The following NBEA variants were observed in gnomAD, a reference collection of about 807,000 sequenced individuals.
NBEA encodes the protein lysosomal-trafficking regulator 2.
Under a neutral mutation model 343.4 loss-of-function variants are expected in NBEA, and 44 were observed. That is an observed-to-expected ratio of 0.13 (90% CI 0.10 to 0.16). The LOEUF is 0.16. Ranked by LOEUF, NBEA falls within the 10% of genes least tolerant of loss-of-function variation. The probability of loss-of-function intolerance (pLI) is 1.00; values close to 1 mark genes in which losing one functional copy is unlikely to be tolerated. For synonymous variants in NBEA, 1,175 were observed against 1,238.7 expected (o/e 0.95, Z 1.08); for missense variants, 2,555 against 3,631.3 (o/e 0.70, Z 7.62).
At chr13:34,986,213 A>G (rs1029605469) in intron 1 of NBEA, among the ~76,000 whole-genome samples, 3 of 150,152 alleles carry the variant, frequency 2.0e-5, no homozygotes, top group Non-Finnish European at 4.5e-5. Flanking sequence ...TAAATGTGCC[A>G]CTGAGATTTT....
At position 35,671,104 on chromosome 13, in the gene NBEA, C is replaced by T. The variant is rs1180379996; in HGVS notation, c.*113C>T. On this transcript the variant is annotated 3_prime_UTR_variant, in exon 59 of 59. Coordinates refer to ENST00000379939, the MANE Select transcript of NBEA (RefSeq NM_001385012.1). ...TACATCGACCTCCGTTTGTACATTC[C>T]ATCACACCCAGCAATAGCTGTACAT... 9 of 686,060 alleles carry T rather than the reference C, an allele frequency of 1.3e-5. No individual in the cohort carries two copies. The highest frequency in any genetic ancestry group is 1.1e-4 in the African/African-American group (6 of 56,028). 42.5% of individuals were successfully genotyped at this position (686,060 alleles called of 1,614,324 possible). A position where few individuals can be genotyped will look rare whatever the true frequency, so the allele number is the denominator to read the frequency against.
intron 1 of NBEA, among the ~76,000 whole-genome samples, chr13:34,953,719 A>G (rs1249714684): frequency 6.6e-6 from 1 of 152,172 alleles, no homozygotes; most frequent in Non-Finnish European, 1.5e-5. Context: ...CATCCATACT[A>G]AACATGTATA....
intron 38 of NBEA, among the ~76,000 whole-genome samples, chr13:35,380,224 C>CAAG (rs60728010): frequency 0.7 from 105,555 of 151,668 alleles, 39,039 homozygotes; most frequent in Non-Finnish European, 0.81. Context: ...GCAGGTGAAT[C>CAAG]ACCTGAGGTC....
At chr13:35,403,237 T>C (rs575089132) in intron 38 of NBEA, among the ~76,000 whole-genome samples, 1 of 151,990 alleles carries the variant, frequency 6.6e-6, no homozygotes, top group Non-Finnish European at 1.5e-5. Context: ...TTTGAAATAG[T>C]TATTAATGTT....
intron 18 of NBEA, among the ~76,000 whole-genome samples, chr13:35,154,639 G>A (rs1047903892): frequency 3.9e-5 from 6 of 152,042 alleles, no homozygotes; most frequent in African/African-American, 1.4e-4. Flanking sequence ...CTGATTACTA[G>A]GAATATAACA....
chr13:35,599,725 G>A (rs2081967037), intron 47 of NBEA, among the ~76,000 whole-genome samples: 1 of 152,228 alleles, frequency 6.6e-6, no homozygotes, highest in Non-Finnish European at 1.5e-5. Flanking sequence ...CTCTTTATGG[G>A]AGGAGTAAAC....
intron 38 of NBEA, among the ~76,000 whole-genome samples, chr13:35,394,685 C>T (rs17052202): frequency 0.13 from 19,824 of 151,994 alleles, 1,413 homozygotes; most frequent in African/African-American, 0.19. Flanking sequence ...TGGGACATTT[C>T]CAAAACTATG....
chr13:35,425,305 C>T (rs2044582899), intron 38 of NBEA, among the ~76,000 whole-genome samples: 1 of 152,186 alleles, frequency 6.6e-6, no homozygotes, highest in South Asian at 2.1e-4. Flanking sequence ...TTTCCCTCTA[C>T]ACACTGCTTT....
intron 1 of NBEA, among the ~76,000 whole-genome samples, chr13:35,025,694 CCTT>C: frequency 6.6e-6 from 1 of 151,992 alleles, no homozygotes; most frequent in Non-Finnish European, 1.5e-5. Context: ...GATGTCTCAT[CCTT>C]TTATCTCTCA....
intron 38 of NBEA, among the ~76,000 whole-genome samples, chr13:35,389,207 G>T (rs967087844): frequency 4.6e-5 from 7 of 152,034 alleles, no homozygotes; most frequent in African/African-American, 1.7e-4. Flanking sequence ...TCCCGTAATT[G>T]TATCAGCCTG....
chr13:35,043,392 A>G (rs1379446727), intron 2 of NBEA, among the ~76,000 whole-genome samples: 1 of 151,902 alleles, frequency 6.6e-6, no homozygotes, highest in African/African-American at 2.4e-5. Flanking sequence ...TTTTAAAAGT[A>G]TTTTATGTAA....
chr13:35,323,616 A>T (rs1241333031), intron 36 of NBEA, among the ~76,000 whole-genome samples: 1 of 151,450 alleles, frequency 6.6e-6, no homozygotes, highest in Non-Finnish European at 1.5e-5. Context: ...CTAATGCTAG[A>T]TGACGAGTTA....
intron 52 of NBEA, 136 bp from the exon 53 acceptor site, chr13:35,651,669 T>C: frequency 1.5e-6 from 1 of 652,186 alleles, no homozygotes; most frequent in South Asian, 1.9e-5. Context: ...CAGAGACACA[T>C]AGTATCAGAA....
chr13:35,098,754 G>C (rs2065466863), intron 11 of NBEA, among the ~76,000 whole-genome samples: 1 of 152,064 alleles, frequency 6.6e-6, no homozygotes, highest in South Asian at 2.1e-4. Context: ...AAATAGCATG[G>C]AATAAACCAT....
intron 8 of NBEA, among the ~76,000 whole-genome samples, chr13:35,059,990 C>G (rs1216481400): frequency 1.3e-5 from 2 of 151,618 alleles, no homozygotes; most frequent in Non-Finnish European, 3.0e-5. Context: ...TTTCATGGGT[C>G]TTTTTGTTGG....
At chr13:35,475,037 C>T in intron 41 of NBEA, 3 of 1,598,634 alleles carry the variant, frequency 1.9e-6, no homozygotes, top group Non-Finnish European at 2.6e-6. Flanking sequence ...GTAATAATTT[C>T]GGCTCTTGAT....
intron 35 of NBEA, among the ~76,000 whole-genome samples, chr13:35,293,322 T>A (rs2035916540): frequency 6.6e-6 from 1 of 152,064 alleles, no homozygotes; most frequent in Non-Finnish European, 1.5e-5. Flanking sequence ...CATTCTGATA[T>A]ATTTATCATT....
chr13:35,607,591 G>C (rs2082330138), intron 48 of NBEA, among the ~76,000 whole-genome samples: 1 of 152,024 alleles, frequency 6.6e-6, no homozygotes, highest in Admixed American at 6.6e-5. Flanking sequence ...TTTTCCAACT[G>C]TCTGATAAAT....
chr13:35,324,713 G>A (rs1594220870), intron 36 of NBEA, among the ~76,000 whole-genome samples: 2 of 152,156 alleles, frequency 1.3e-5, no homozygotes, highest in East Asian at 3.9e-4. Context: ...AAATTAAACA[G>A]TTCCAAAATA....
Sources: gnomAD v4.1 joint callset for allele counts (sites outside exome capture counted in the v4.1 genomes callset) on GRCh38, gnomAD v4.1.1 for gene constraint, MANE v1.5 for transcripts, NCBI Gene and HGNC (gene_info 2026-07-23, HGNC 2026-07-21) for gene names.